LAYN: variants seen among roughly 807,000 people sequenced by gnomAD.
LAYN encodes the protein layilin.
LAYN carries 38 observed loss-of-function variants against 43.6 expected under a neutral mutation model. The observed-to-expected ratio is 0.87, with a 90% CI of 0.67 to 1.14. LAYN has a LOEUF of 1.14. Ranked by LOEUF, LAYN falls within the 50% of genes most tolerant of loss-of-function variation. The pLI is 0.00. For missense variants in LAYN, 479 were observed against 463.8 expected (o/e 1.03, Z -0.30); for synonymous variants, 168 against 172.9 (o/e 0.97, Z 0.22).
Position 111,560,474 on chromosome 11 carries a change from G to A in LAYN, c.*16G>A. The A allele has an allele frequency of 6.3e-7, 1 of 1,586,680 alleles. No individual in the cohort carries two copies. The highest frequency in any genetic ancestry group is 8.6e-7 in the Non-Finnish European group (1 of 1,167,846). ...TGGTTATTAGGACATATAAAAAACT[G>A]AAACTGACAACAATGGAAAAGAAAT... On this transcript the variant is annotated 3_prime_UTR_variant, in exon 7 of 7. Coordinates refer to ENST00000375614, the MANE Select transcript of LAYN (RefSeq NM_178834.5).
rs1274942968 is a variant in LAYN at position 111,549,759 on chromosome 11, T to C, written c.525T>C (p.Ile175=). 7 of 1,603,084 alleles carry C rather than the reference T, an allele frequency of 4.4e-6. No individual in the cohort carries two copies. The highest frequency in any genetic ancestry group is 2.3e-5 in the East Asian group (1 of 43,954). Residue 175 remains isoleucine, a synonymous_variant, in exon 3 of 7, where the codon ATT becomes ATC. Coordinates refer to ENST00000375614, the MANE Select transcript of LAYN (RefSeq NM_178834.5). ...DDRCNMKNNF[I]CKYSDEKPAV... ...GGTGCAACATGAAGAACAATTTCAT[T>C]TGCAAATATTCTGATGGTAATGAAT...
intron 2 of LAYN, 102 bp from the exon 3 acceptor site, chr11:111,549,516 T>G (rs1266591209): frequency 1.0e-6 from 1 of 1,002,350 alleles, no homozygotes; most frequent in Non-Finnish European, 1.4e-6. Flanking sequence ...TGAGGCAGAA[T>G]CTTATGTTTA....
rs1470741016 is a variant in LAYN at position 111,549,484 on chromosome 11, T to C, written c.384-134T>C. 4 of 668,112 alleles carry C rather than the reference T, an allele frequency of 6.0e-6. No individual in the cohort carries two copies. The African/African-American group carries it at 7.6e-5, about 13-fold the overall frequency. 41.4% of individuals were successfully genotyped at this position (668,112 alleles called of 1,614,324 possible). A position where few individuals can be genotyped will look rare whatever the true frequency, so the allele number is the denominator to read the frequency against. On this transcript the variant is annotated intron_variant, in intron 2 of 6. Transcript: ENST00000375614. ...TGCTTACTGGCAGTACTTCAATTCC[T>C]ACCTCTCTCTGTATCATGTTCTGAG... is the stretch of plus-strand genomic sequence containing the variant.
chr11:111,543,796 G>A (rs1867591147), intron 1 of LAYN, 127 bp from the exon 2 acceptor site: 2 of 743,004 alleles, frequency 2.7e-6, no homozygotes, highest in East Asian at 2.6e-5. Context: ...CAACTGACAT[G>A]ATAACAGTCT....
At position 111,561,609 on chromosome 11, in the gene LAYN, C is replaced by G. The variant is rs1162213321; in HGVS notation, c.*1151C>G. On this transcript the variant is annotated 3_prime_UTR_variant, in exon 7 of 7. Transcript: ENST00000375614. ...CATCAATCATATACACATTGGAGGTCTGAAAGCCATTATTTAAATCACCAG... is the reference window on the plus strand; with the variant it reads ...CATCAATCATATACACATTGGAGGTGTGAAAGCCATTATTTAAATCACCAG... The G allele has an allele frequency of 6.6e-6, 1 of 152,168 alleles. No homozygotes were observed. Among genetic ancestry groups the G allele is most frequent in the East Asian group, 1.9e-4 (1 of 5,198 alleles). The allele number at this position is 152,168 out of a possible 1,614,324, so 9.4% of individuals were successfully genotyped here. A position where few individuals can be genotyped will look rare whatever the true frequency, so the allele number is the denominator to read the frequency against.
At chr11:111,542,005 G>T (rs1223340993) in intron 1 of LAYN, among the ~76,000 whole-genome samples, 2 of 152,180 alleles carry the variant, frequency 1.3e-5, no homozygotes, top group East Asian at 1.9e-4. Flanking sequence ...CGGATGTGTG[G>T]CCAGGCTGGA....
At chr11:111,557,412 T>G in intron 5 of LAYN, 129 bp from the exon 6 acceptor site, 1 of 738,204 alleles carries the variant, frequency 1.4e-6, no homozygotes, top group Non-Finnish European at 2.3e-6. Context: ...TTTTTTAATT[T>G]TTTAATTTTA....
chr11:111,557,485 C>T, intron 5 of LAYN, 56 bp from the exon 6 acceptor site: 1 of 1,406,502 alleles, frequency 7.1e-7, no homozygotes, highest in South Asian at 1.2e-5. Context: ...GTTTGAAGCA[C>T]AGAAAAACAA....
Position 111,560,471 on chromosome 11 carries a change from A to G in LAYN, c.*13A>G, listed in dbSNP as rs775075932. On this transcript the variant is annotated 3_prime_UTR_variant, in exon 7 of 7. Coordinates refer to ENST00000375614, the MANE Select transcript of LAYN (RefSeq NM_178834.5). ...ATATGGTTATTAGGACATATAAAAA[A>G]CTGAAACTGACAACAATGGAAAAGA... The G allele has an allele frequency of 1.9e-6, 3 of 1,587,826 alleles. No homozygotes were observed. Among genetic ancestry groups the G allele is most frequent in the South Asian group, 2.3e-5 (2 of 86,708 alleles).
At chr11:111,557,511 A>T (rs751889678) in intron 5 of LAYN, 30 bp from the exon 6 acceptor site, 2 of 1,565,024 alleles carry the variant, frequency 1.3e-6, no homozygotes, top group Non-Finnish European at 8.8e-7. Context: ...AAAACAGCCA[A>T]TGCTGATCAT....
chr11:111,543,783 C>A (rs1254972783), intron 1 of LAYN, 140 bp from the exon 2 acceptor site: 1 of 678,836 alleles, frequency 1.5e-6, no homozygotes, highest in Non-Finnish European at 2.5e-6. Context: ...GCTCTGAGAA[C>A]CCCAACTGAC....
intron 2 of LAYN, among the ~76,000 whole-genome samples, chr11:111,549,157 A>C (rs1005352548): frequency 6.6e-6 from 1 of 152,068 alleles, no homozygotes; most frequent in Non-Finnish European, 1.5e-5. Context: ...TTTCTTATCT[A>C]CTTCCCAGGG....
In LAYN at chr11:111,561,651, G is replaced by C. The variant is rs1387390528; in HGVS notation, c.*1193G>C. ...AATCACCAGCAATTTCCCTCAATCAGCTTCATAATCTCATATTTTAACCTT... is the reference window on the plus strand; with the variant it reads ...AATCACCAGCAATTTCCCTCAATCACCTTCATAATCTCATATTTTAACCTT... On this transcript the variant is annotated 3_prime_UTR_variant, in exon 7 of 7. Transcript: ENST00000375614. 2 of 152,098 alleles carry C rather than the reference G, an allele frequency of 1.3e-5. No homozygotes were observed. Among genetic ancestry groups the C allele is most frequent in the African/African-American group, 4.8e-5 (2 of 41,416 alleles). 9.4% of individuals were successfully genotyped at this position (152,098 alleles called of 1,614,324 possible). A position where few individuals can be genotyped will look rare whatever the true frequency, so the allele number is the denominator to read the frequency against.
In LAYN at chr11:111,540,833, C is replaced by G. The variant is rs1481161498; in HGVS notation, c.-11C>G. On this transcript the variant is annotated 5_prime_UTR_variant, in exon 1 of 7. Transcript: ENST00000375614. ...GCGCCCGAGTGTCGGGGGGCGCACC[C>G]GAGTCGGGCCATGAGGCCGGGAACC... The G allele has an allele frequency of 6.6e-7, 1 of 1,521,902 alleles. No individual in the cohort carries two copies. Among genetic ancestry groups the G allele is most frequent in the East Asian group, 2.5e-5 (1 of 39,324 alleles). 94.3% of individuals were successfully genotyped at this position (1,521,902 alleles called of 1,614,324 possible). A position where few individuals can be genotyped will look rare whatever the true frequency, so the allele number is the denominator to read the frequency against.
In LAYN at chr11:111,558,219, TA is replaced by T. The variant is rs566410855; in HGVS notation, c.761+577del. 7.5e-3 allele frequency among the ~76,000 whole-genome samples: 1,147 copies of T among 152,286 alleles called. 21 individuals carry two copies. Among genetic ancestry groups the T allele is most frequent in the African/African-American group, 0.026 (1,063 of 41,542 alleles). On this transcript the variant is annotated intron_variant, in intron 6 of 6. Coordinates refer to ENST00000375614, the MANE Select transcript of LAYN (RefSeq NM_178834.5). Reference sequence around the variant, plus strand: ...GCCACTATTTTATTTTATTTTATTTTATTTTTAGTACTGAAAGCTCTTCTCA... The same window carrying T: ...GCCACTATTTTATTTTATTTTATTTTTTTTTAGTACTGAAAGCTCTTCTCA...
At chr11:111,554,446 G>A in intron 3 of LAYN, 115 bp from the exon 4 acceptor site, 1 of 818,888 alleles carries the variant, frequency 1.2e-6, no homozygotes, top group Admixed American at 2.1e-5. Flanking sequence ...AACAAATAAA[G>A]TTTATCGGAG....
rs745326094 is a variant in LAYN at position 111,541,518 on chromosome 11, G to C, written c.85+590G>C. The C allele has an allele frequency of 9.8e-6, 15 of 1,532,820 alleles. No individual in the cohort carries two copies. The Admixed American group carries it at 1.8e-4, about 18-fold the overall frequency. 95.0% of individuals were successfully genotyped at this position (1,532,820 alleles called of 1,614,324 possible). On this transcript the variant is annotated intron_variant, in intron 1 of 6. Transcript: ENST00000375614. ...TGTGGGACGAGCCCCACCTGACTCC[G>C]GGGAATGACTCTCTGCTTCCTTCCT...
chr11:111,550,556 G>A (rs537501683), intron 3 of LAYN, among the ~76,000 whole-genome samples: 9 of 152,318 alleles, frequency 5.9e-5, no homozygotes, highest in African/African-American at 1.9e-4. Flanking sequence ...TTGGGACTAA[G>A]TAATCCTGTC....
chr11:111,542,228 G>A (rs887754903), intron 1 of LAYN, among the ~76,000 whole-genome samples: 3 of 152,210 alleles, frequency 2.0e-5, no homozygotes, highest in Admixed American at 6.5e-5. Context: ...CTTCCCGGGG[G>A]TATCCCTGCC....
Sources: allele counts gnomAD v4.1 joint callset (sites outside exome capture counted in the v4.1 genomes callset), GRCh38; gene constraint gnomAD v4.1.1; transcripts MANE v1.5; gene names NCBI Gene and HGNC (gene_info 2026-07-23, HGNC 2026-07-21).